The following GNAL variants were observed in gnomAD, a reference collection of about 807,000 sequenced individuals.
GNAL encodes G protein subunit alpha L.
In GNAL, 18 loss-of-function variants were observed where a neutral mutation model predicts 55.1. The observed-to-expected ratio is 0.33, with a 90% CI of 0.23 to 0.48. GNAL has a LOEUF of 0.48. Ranked by LOEUF, GNAL falls within the 20% of genes least tolerant of loss-of-function variation. The probability of loss-of-function intolerance (pLI) is 0.99; values close to 1 mark genes in which losing one functional copy is unlikely to be tolerated. For missense variants in GNAL, 412 were observed against 614.1 expected (o/e 0.67, Z 3.48); for synonymous variants, 253 against 237.0 (o/e 1.07, Z -0.62).
chr18:11,861,963 TACACAC>T (rs56087854), intron 5 of GNAL, among the ~76,000 whole-genome samples: 20 of 148,052 alleles, frequency 1.4e-4, no homozygotes, highest in South Asian at 6.5e-4. Flanking sequence ...CACGCAGTCA[TACACAC>T]ACACACACAC....
intron 4 of GNAL, among the ~76,000 whole-genome samples, chr18:11,776,752 A>G (rs528336136): frequency 6.6e-6 from 1 of 152,092 alleles, no homozygotes; most frequent in African/African-American, 2.4e-5. Context: ...TGCAAATGCA[A>G]CAGTCTTCTC....
rs182124863 is a variant in GNAL, at chr18:11,880,214, A to G, written c.1231-775A>G. On this transcript the variant is annotated intron_variant, in intron 11 of 11. Coordinates refer to ENST00000334049, the MANE Select transcript of GNAL (RefSeq NM_182978.4). ...AGAGGTTGCAGTGAGCCGAGATGGC[A>G]CCACTGCACTCCAGCCTGGGGGACA... is the stretch of plus-strand genomic sequence containing the variant. 1.5e-3 allele frequency among the ~76,000 whole-genome samples: 222 copies of G among 151,248 alleles called. 5 individuals carry two copies. The highest frequency in any genetic ancestry group is 3.7e-3 in the African/African-American group (153 of 41,404).
intron 5 of GNAL, among the ~76,000 whole-genome samples, chr18:11,843,564 A>C (rs1363055494): frequency 2.0e-5 from 3 of 151,998 alleles, no homozygotes; most frequent in Non-Finnish European, 2.9e-5. Flanking sequence ...AAAAAAAGGA[A>C]AGAAATAAAG....
At chr18:11,709,483 T>C (rs2031789381) in intron 1 of GNAL, among the ~76,000 whole-genome samples, 1 of 152,178 alleles carries the variant, frequency 6.6e-6, no homozygotes, top group South Asian at 2.1e-4. Context: ...TTTCATTTCT[T>C]ATATCACTGT....
intron 1 of GNAL, among the ~76,000 whole-genome samples, chr18:11,699,518 T>A (rs986049458): frequency 3.3e-5 from 5 of 151,448 alleles, no homozygotes; most frequent in Non-Finnish European, 7.4e-5. Flanking sequence ...CCCAGCTGGG[T>A]CTAAATTTAT....
intron 5 of GNAL, among the ~76,000 whole-genome samples, chr18:11,828,867 A>T (rs2035313658): frequency 6.6e-6 from 1 of 152,188 alleles, no homozygotes; most frequent in Non-Finnish European, 1.5e-5. Flanking sequence ...AATTAACAGG[A>T]TCTATTCTCA....
rs1479966150 is a variant in GNAL at position 11,873,477 on chromosome 18, T to C, written c.1162+1079T>C. Reference sequence around the variant, plus strand: ...TCCTTATAGGAATAAATAATAGACATTGGAAATGGGCCTGAGCACCAGCTC... The same window carrying C: ...TCCTTATAGGAATAAATAATAGACACTGGAAATGGGCCTGAGCACCAGCTC... On this transcript the variant is annotated intron_variant, in intron 10 of 11. Coordinates refer to ENST00000334049, the MANE Select transcript of GNAL (RefSeq NM_182978.4). Among the ~76,000 whole-genome samples, 11 of 152,258 alleles carry C rather than the reference T, an allele frequency of 7.2e-5. No homozygotes were observed. In the East Asian group the frequency reaches 1.2e-3, roughly 16 times the overall value.
At chr18:11,694,902 C>G (rs759924809) in intron 1 of GNAL, among the ~76,000 whole-genome samples, 2 of 152,176 alleles carry the variant, frequency 1.3e-5, no homozygotes, top group Non-Finnish European at 2.9e-5. Context: ...CTCACATGGC[C>G]TTTCCTCTGT....
intron 4 of GNAL, among the ~76,000 whole-genome samples, chr18:11,796,594 A>C (rs999233325): frequency 1.3e-4 from 19 of 150,302 alleles, no homozygotes; most frequent in Non-Finnish European, 1.8e-4. Flanking sequence ...AAAAAAAAAA[A>C]ACAAAACACG....
chr18:11,788,649 A>G (rs2034127797), intron 4 of GNAL, among the ~76,000 whole-genome samples: 1 of 151,898 alleles, frequency 6.6e-6, no homozygotes, highest in Non-Finnish European at 1.5e-5. Context: ...AGGCAGGCGG[A>G]TCACCTGAGG....
At chr18:11,749,475 G>A (rs1277200219) in intron 1 of GNAL, among the ~76,000 whole-genome samples, 1 of 152,200 alleles carries the variant, frequency 6.6e-6, no homozygotes, top group Non-Finnish European at 1.5e-5. Context: ...CACACTTTGA[G>A]CTGGAGTTAT....
chr18:11,695,924 A>ACGCACGCACG (rs1555640058), intron 1 of GNAL, among the ~76,000 whole-genome samples: 7 of 141,358 alleles, frequency 5.0e-5, no homozygotes, highest in African/African-American at 2.0e-4. Flanking sequence ...GCACGCATGC[A>ACGCACGCACG]CACACACACA....
chr18:11,874,652 A>T (rs1432234711), intron 10 of GNAL, among the ~76,000 whole-genome samples: 9 of 92,322 alleles, frequency 9.7e-5, no homozygotes, highest in Non-Finnish European at 1.5e-4. Flanking sequence ...TAGTCTCAAG[A>T]AAAAAAAAAA....
At chr18:11,814,111 A>T (rs1448302836) in intron 4 of GNAL, among the ~76,000 whole-genome samples, 2 of 152,234 alleles carry the variant, frequency 1.3e-5, no homozygotes, top group African/African-American at 4.8e-5. Flanking sequence ...AATGGAAGAA[A>T]TATTTTTTAC....
At chr18:11,823,838 T>C (rs1377851914) in intron 4 of GNAL, among the ~76,000 whole-genome samples, 2 of 152,186 alleles carry the variant, frequency 1.3e-5, no homozygotes, top group Non-Finnish European at 2.9e-5. Flanking sequence ...TTTACGTAAC[T>C]TCTTTTGTGT....
At chr18:11,859,466 G>T (rs907968347) in intron 5 of GNAL, among the ~76,000 whole-genome samples, 3 of 152,206 alleles carry the variant, frequency 2.0e-5, no homozygotes, top group Non-Finnish European at 2.9e-5. Context: ...TGCCAAAACT[G>T]CATTGTACTT....
At chr18:11,788,282 C>A (rs2034117013) in intron 4 of GNAL, among the ~76,000 whole-genome samples, 1 of 152,178 alleles carries the variant, frequency 6.6e-6, no homozygotes, top group Non-Finnish European at 1.5e-5. Context: ...TCCCCAAAGG[C>A]TTCTAAGGCA....
intron 4 of GNAL, among the ~76,000 whole-genome samples, chr18:11,819,195 T>C (rs951348584): frequency 6.6e-6 from 1 of 152,258 alleles, no homozygotes; most frequent in African/African-American, 2.4e-5. Flanking sequence ...CTTACACTTC[T>C]TATTGTCATC....
At chr18:11,693,741 C>CTTTTTTT (rs576637274) in intron 1 of GNAL, among the ~76,000 whole-genome samples, 17 of 110,958 alleles carry the variant, frequency 1.5e-4, no homozygotes, top group African/African-American at 4.6e-4. Context: ...CCAGCAGTGT[C>CTTTTTTT]TTTTTTTTTT....
Sources: gnomAD v4.1 joint callset for allele counts (sites outside exome capture counted in the v4.1 genomes callset) on GRCh38, gnomAD v4.1.1 for gene constraint, MANE v1.5 for transcripts, NCBI Gene and HGNC (gene_info 2026-07-23, HGNC 2026-07-21) for gene names.